The following DIP2B variants were observed in gnomAD, a reference collection of about 807,000 sequenced individuals.
DIP2B encodes the protein DIP2 acetate--CoA ligase B (putative).
DIP2B carries 76 observed loss-of-function variants against 198.0 expected under a neutral mutation model. The ratio of observed to expected loss-of-function variants is 0.38; its 90% CI spans 0.32 to 0.46. The LOEUF (loss-of-function observed/expected upper bound fraction) is 0.46, where lower values mean the gene tolerates loss of function less well. Ranked by LOEUF, DIP2B falls within the 20% of genes least tolerant of loss-of-function variation. DIP2B has a pLI of 0.99. For missense variants in DIP2B, 1,559 were observed against 1,978.4 expected, an observed-to-expected ratio of 0.79 and a Z score of 4.02; for synonymous variants, 701 against 739.1, an observed-to-expected ratio of 0.95 and a Z score of 0.84.
chr12:50,574,759 A>G (rs571480743), intron 1 of DIP2B, among the ~76,000 whole-genome samples: 113 of 152,310 alleles, frequency 7.4e-4, no homozygotes, highest in African/African-American at 2.6e-3. Flanking sequence ...TTTATGAAGA[A>G]TGGGTTGGTG....
chr12:50,603,009 A>C (rs1958951418), intron 1 of DIP2B, among the ~76,000 whole-genome samples: 2 of 147,768 alleles, frequency 1.4e-5, no homozygotes, highest in South Asian at 4.3e-4. Context: ...CTAAAAATAC[A>C]AAAAATTAGC....
chr12:50,745,064 G>C lies in DIP2B; in HGVS notation c.*225G>C. ...TGGTAGACATGTGCTTTGACATAGC[G>C]TGAGCAGCACATTACTAAAGCAATT... On this transcript the variant is annotated 3_prime_UTR_variant, in exon 38 of 38. Coordinates refer to ENST00000301180, the MANE Select transcript of DIP2B (RefSeq NM_173602.3). 1 of 579,100 alleles carries C rather than the reference G, an allele frequency of 1.7e-6. No homozygotes were observed. Among genetic ancestry groups the C allele is most frequent in the Non-Finnish European group, 3.0e-6 (1 of 333,976 alleles). 35.9% of individuals were successfully genotyped at this position (579,100 alleles called of 1,614,324 possible).
intron 1 of DIP2B, among the ~76,000 whole-genome samples, chr12:50,562,737 A>G (rs1360527201): frequency 2.1e-5 from 3 of 140,250 alleles, no homozygotes; most frequent in South Asian, 4.4e-4. Flanking sequence ...CCTGACTCAG[A>G]AAAAAAAAAA....
At chr12:50,685,462 C>A (rs1443087136) in intron 10 of DIP2B, among the ~76,000 whole-genome samples, 3 of 152,172 alleles carry the variant, frequency 2.0e-5, no homozygotes, top group Non-Finnish European at 4.4e-5. Flanking sequence ...TCATACCTGA[C>A]TTGCTTTTCT....
chr12:50,537,114 A>AT (rs34202995), intron 1 of DIP2B, among the ~76,000 whole-genome samples: 369 of 32,202 alleles, frequency 0.011, 77 homozygotes, highest in East Asian at 0.039. Flanking sequence ...TTATTCTCTA[A>AT]TTTTTTTTTT....
intron 1 of DIP2B, among the ~76,000 whole-genome samples, chr12:50,558,099 GTCC>G (rs5798143): frequency 0.96 from 146,671 of 152,228 alleles, 70,894 homozygotes; most frequent in East Asian, 1. Context: ...GCGCGGTAGC[GTCC>G]TAAGCCTGTA....
intron 1 of DIP2B, among the ~76,000 whole-genome samples, chr12:50,617,931 ATGT>A (rs1937733107): frequency 6.6e-6 from 1 of 152,216 alleles, no homozygotes. Flanking sequence ...GTAATTGCTT[ATGT>A]TGTTTGTTTA....
intron 9 of DIP2B, among the ~76,000 whole-genome samples, chr12:50,681,330 G>C (rs989432412): frequency 6.6e-6 from 1 of 152,006 alleles, no homozygotes; most frequent in Admixed American, 6.6e-5. Context: ...CAGCTACTCG[G>C]GAGGTTAAGG....
chr12:50,628,769 T>G (rs1425327777), intron 2 of DIP2B, among the ~76,000 whole-genome samples: 1 of 152,268 alleles, frequency 6.6e-6, no homozygotes, highest in African/African-American at 2.4e-5. Context: ...TGCTCACTTC[T>G]CAGCCCGTTT....
At chr12:50,719,200 T>TG (rs1173914776) in intron 25 of DIP2B, among the ~76,000 whole-genome samples, 165 bp downstream of exon 25, 2 of 152,224 alleles carry the variant, frequency 1.3e-5, no homozygotes, top group Non-Finnish European at 1.5e-5. Flanking sequence ...TGCAATCACT[T>TG]TAAGATTGGA....
At chr12:50,688,813 GC>G (rs1245231668) in intron 12 of DIP2B, among the ~76,000 whole-genome samples, 1 of 152,094 alleles carries the variant, frequency 6.6e-6, no homozygotes, top group Non-Finnish European at 1.5e-5. Flanking sequence ...TGCCTCATTG[GC>G]CATTCCTTCA....
Position 50,678,843 on chromosome 12 carries a change from A to C in DIP2B, c.1081A>C (p.Met361Leu), listed in dbSNP as rs745700247. Residue 361 changes from methionine to leucine, a missense_variant, in exon 8 of 38, where the codon ATG (methionine) becomes CTG (leucine). Coordinates refer to ENST00000301180, the MANE Select transcript of DIP2B (RefSeq NM_173602.3). ...ATGCTCCTGTCTGACTGCACTGGAC[A>C]TGACAGGGAAACCAGTTTACACTCT... ...AKCSCLTALD[M>L]TGKPVYTLTY... 1 of 1,614,206 alleles carries C rather than the reference A, an allele frequency of 6.2e-7. No individual in the cohort carries two copies. Among genetic ancestry groups the C allele is most frequent in the Admixed American group, 1.7e-5 (1 of 60,022 alleles).
chr12:50,704,848 C>T (rs923159431), intron 20 of DIP2B, among the ~76,000 whole-genome samples: 4 of 152,074 alleles, frequency 2.6e-5, no homozygotes, highest in African/African-American at 4.8e-5. Flanking sequence ...CCTGTAATTC[C>T]AGCTACTTGG....
chr12:50,744,562 TAATG>T, intron 37 of DIP2B, 21 bp from the exon 38 acceptor site: 1 of 1,609,636 alleles, frequency 6.2e-7, no homozygotes, highest in Non-Finnish European at 8.5e-7. Context: ...AGTGACAAGT[TAATG>T]AATTGTCATT....
At chr12:50,588,503 C>T (rs1199707010) in intron 1 of DIP2B, among the ~76,000 whole-genome samples, 1 of 152,182 alleles carries the variant, frequency 6.6e-6, no homozygotes, top group African/African-American at 2.4e-5. Flanking sequence ...TTCCCCTGTA[C>T]ATTTAAAAAA....
intron 21 of DIP2B, among the ~76,000 whole-genome samples, 164 bp from the exon 22 acceptor site, chr12:50,708,284 G>T (rs1324557689): frequency 6.6e-6 from 1 of 152,192 alleles, no homozygotes; most frequent in African/African-American, 2.4e-5. Context: ...TTATTTAAAT[G>T]AATGAATGCT....
At chr12:50,544,362 A>G (rs923204293) in intron 1 of DIP2B, among the ~76,000 whole-genome samples, 2 of 152,218 alleles carry the variant, frequency 1.3e-5, no homozygotes, top group Non-Finnish European at 2.9e-5. Flanking sequence ...GCTGGAGTGC[A>G]GTAGCACGGT....
chr12:50,691,594 A>AT (rs1329722233), intron 13 of DIP2B, among the ~76,000 whole-genome samples: 1 of 152,244 alleles, frequency 6.6e-6, no homozygotes, highest in African/African-American at 2.4e-5. Context: ...TTGCCTCAGA[A>AT]TGTTCTTTGC....
At chr12:50,631,490 G>T (rs1478483546) in intron 2 of DIP2B, among the ~76,000 whole-genome samples, 1 of 152,074 alleles carries the variant, frequency 6.6e-6, no homozygotes, top group Non-Finnish European at 1.5e-5. Flanking sequence ...CTCCCAAAGA[G>T]GTGGGATTAC....
Sources: gnomAD v4.1 joint callset for allele counts (sites outside exome capture counted in the v4.1 genomes callset) on GRCh38, gnomAD v4.1.1 for gene constraint, MANE v1.5 for transcripts, NCBI Gene and HGNC (gene_info 2026-07-23, HGNC 2026-07-21) for gene names.